Variants in FBLN7 observed in about 807,000 individuals in gnomAD.
FBLN7 encodes the protein fibulin 7.
In FBLN7, 31 loss-of-function variants were observed where a neutral mutation model predicts 44.0. That is an observed-to-expected ratio of 0.70 (90% CI 0.53 to 0.95). The LOEUF (loss-of-function observed/expected upper bound fraction) is 0.95, where lower values mean the gene tolerates loss of function less well. Ranked by LOEUF, FBLN7 falls within the 40% of genes least tolerant of loss-of-function variation. The pLI is 0.00. For missense variants in FBLN7, 573 were observed against 618.5 expected (o/e 0.93, Z 0.78); for synonymous variants, 262 against 253.4 (o/e 1.03, Z -0.32).
intron 5 of FBLN7, 30 bp downstream of exon 5, chr2:112,181,906 GA>G (rs2104603613): frequency 6.5e-7 from 1 of 1,530,684 alleles, no homozygotes; most frequent in Admixed American, 2.0e-5. Context: ...GGACACTGGG[GA>G]CAGCACGGGG....
At chr2:112,169,859 A>C (rs1026615418) in intron 3 of FBLN7, among the ~76,000 whole-genome samples, 1 of 152,162 alleles carries the variant, frequency 6.6e-6, no homozygotes, top group South Asian at 2.1e-4. Context: ...TGAGCAGGGG[A>C]CAATGACACT....
chr2:112,220,494 G>C, the FBLN7 span, among the ~76,000 whole-genome samples: 1 of 152,092 alleles, frequency 6.6e-6, no homozygotes, highest in South Asian at 2.1e-4. Context: ...TGGCTTGTAG[G>C]GTTGCTGCTG....
chr2:112,184,687 A>ATATATGGTATATATATGTATATGG (rs1482410063), intron 6 of FBLN7, among the ~76,000 whole-genome samples: 1 of 149,220 alleles, frequency 6.7e-6, no homozygotes, highest in East Asian at 1.9e-4. Flanking sequence ...TATATGGTGT[A>ATATATGGTATATATATGTATATGG]TATATGGTAT....
At chr2:112,240,832 T>C in the FBLN7 span, among the ~76,000 whole-genome samples, 2 of 152,186 alleles carry the variant, frequency 1.3e-5, no homozygotes, top group African/African-American at 4.8e-5. Context: ...TTAAAAAGCA[T>C]ACGAACATGA....
the FBLN7 span, chr2:112,234,263 A>T: frequency 2.1e-6 from 3 of 1,462,380 alleles, no homozygotes; most frequent in Non-Finnish European, 2.8e-6. Context: ...AAAAAAACTA[A>T]ATGTAAGAAA....
intron 1 of FBLN7, among the ~76,000 whole-genome samples, chr2:112,144,600 C>T (rs1439613592): frequency 1.5e-4 from 23 of 150,520 alleles, no homozygotes; most frequent in Non-Finnish European, 1.5e-5. Flanking sequence ...TCTTGGCTCA[C>T]TGCCACCTCC....
the FBLN7 span, among the ~76,000 whole-genome samples, chr2:112,234,665 T>C: frequency 2.6e-5 from 4 of 151,916 alleles, no homozygotes; most frequent in Non-Finnish European, 5.9e-5. Flanking sequence ...CTGGGAGTGG[T>C]GGTGTGCGCC....
At chr2:112,168,089 G>A (rs1311092059) in intron 3 of FBLN7, among the ~76,000 whole-genome samples, 2 of 152,170 alleles carry the variant, frequency 1.3e-5, no homozygotes, top group Admixed American at 1.3e-4. Flanking sequence ...CGTCCAGCAA[G>A]CCTACTGACC....
chr2:112,237,362 G>T, the FBLN7 span, among the ~76,000 whole-genome samples: 1 of 152,152 alleles, frequency 6.6e-6, no homozygotes, highest in Non-Finnish European at 1.5e-5. Context: ...AACTTTAAGT[G>T]TTTACAATGA....
chr2:112,166,489 C>T (rs1682164936), intron 3 of FBLN7, among the ~76,000 whole-genome samples: 1 of 152,204 alleles, frequency 6.6e-6, no homozygotes, highest in African/African-American at 2.4e-5. Flanking sequence ...GCTTCTCTTT[C>T]CTGACCCCTG....
downstream of FBLN7, among the ~76,000 whole-genome samples, chr2:112,190,906 A>G (rs1391460707): frequency 6.6e-6 from 1 of 152,182 alleles, no homozygotes; most frequent in East Asian, 1.9e-4. Context: ...ATTTTTTAAG[A>G]TAAAACACTA....
At chr2:112,152,033 A>G (rs765873890) in intron 1 of FBLN7, 7 of 151,998 alleles carry the variant, frequency 4.6e-5, no homozygotes, top group Non-Finnish European at 8.8e-5. Flanking sequence ...TCACTCGTTC[A>G]CTCGTTTGTT....
intron 2 of FBLN7, among the ~76,000 whole-genome samples, chr2:112,161,544 T>C (rs1681869575): frequency 6.6e-6 from 1 of 152,162 alleles, no homozygotes; most frequent in Non-Finnish European, 1.5e-5. Context: ...GACAAGTAAG[T>C]TAGCGGTCAA....
chr2:112,198,639 A>AAAAG, the FBLN7 span, among the ~76,000 whole-genome samples: 195 of 136,372 alleles, frequency 1.4e-3, 2 homozygotes, highest in East Asian at 8.3e-3. Flanking sequence ...GTCTCAAAAA[A>AAAAG]AAAGAAAGAA....
chr2:112,164,830 G>C (rs1682059279), intron 2 of FBLN7, among the ~76,000 whole-genome samples, 171 bp from the exon 3 acceptor site: 1 of 152,198 alleles, frequency 6.6e-6, no homozygotes, highest in Non-Finnish European at 1.5e-5. Flanking sequence ...ATCCCCAAGA[G>C]AGCTTTGAGG....
the FBLN7 span, among the ~76,000 whole-genome samples, chr2:112,225,918 C>T: frequency 6.6e-6 from 1 of 151,992 alleles, no homozygotes; most frequent in South Asian, 2.1e-4. Context: ...CCCATCTCTA[C>T]TAAAAATACA....
At chr2:112,236,624 AT>A in the FBLN7 span, 1 of 1,613,870 alleles carries the variant, frequency 6.2e-7, no homozygotes, top group Non-Finnish European at 8.5e-7. Context: ...GGGCCAGGCC[AT>A]TTTCGCTTCA....
chr2:112,158,376 G>A (rs1681546236), intron 1 of FBLN7, among the ~76,000 whole-genome samples: 1 of 151,992 alleles, frequency 6.6e-6, no homozygotes, highest in Admixed American at 6.6e-5. Context: ...CCAAGTAGCT[G>A]GCACTACAGG....
the FBLN7 span, among the ~76,000 whole-genome samples, chr2:112,202,520 T>G: frequency 6.6e-6 from 1 of 152,150 alleles, no homozygotes; most frequent in South Asian, 2.1e-4. Context: ...GGTTTCTACC[T>G]CTGGAACAGC....
Sources: gnomAD v4.1 joint callset for allele counts (sites outside exome capture counted in the v4.1 genomes callset) on GRCh38, gnomAD v4.1.1 for gene constraint, MANE v1.5 for transcripts, NCBI Gene and HGNC (gene_info 2026-07-23, HGNC 2026-07-21) for gene names.